Variants in CIITA observed in about 807,000 individuals in gnomAD.
CIITA encodes the protein class II major histocompatibility complex transactivator.
In CIITA, 72 loss-of-function variants were observed where a neutral mutation model predicts 115.1. The ratio of observed to expected loss-of-function variants is 0.63; its 90% CI spans 0.52 to 0.76. The LOEUF (loss-of-function observed/expected upper bound fraction) is 0.76, where lower values mean the gene tolerates loss of function less well. Among genes scored for constraint, CIITA ranks in the 30% least tolerant of loss-of-function variants. The pLI is 0.00. For synonymous variants in CIITA, 763 were observed against 635.6 expected (o/e 1.20, Z -3.02); for missense variants, 1,617 against 1,463.8 (o/e 1.10, Z -1.71).
rs138376967 is a variant in CIITA, at chr16:10,907,418, C to T, written c.1926C>T (p.Val642=). The T allele has an allele frequency of 4.4e-4, 708 of 1,613,092 alleles. 2 individuals are homozygous for T. The highest frequency in any genetic ancestry group is 1.5e-3 in the South Asian group (136 of 91,068). ...CCTCCACGCTCACGGGACTCTATGT[C>T]GGCCTGCTGGGCCGTGCAGCCCTCG... ...KLPSTLTGLY[V]GLLGRAALDS... The change falls in exon 11 of 20, where the codon GTC becomes GTT. Residue 642 remains valine (V), a synonymous_variant. Transcript: ENST00000324288. This position sits in a 1 kb window ranked among gnomAD's most constrained non-coding sequence, Gnocchi z 5.0.
rs1235576597 is a variant in CIITA, at chr16:10,936,334, T to G, written c.*12479T>G. 3 of 152,318 alleles carry G rather than the reference T, an allele frequency of 2.0e-5. No homozygotes were observed. The South Asian group carries it at 6.2e-4, about 32-fold the overall frequency. The allele number at this position is 152,318 out of a possible 1,614,324, so 9.4% of individuals were successfully genotyped here. A position where few individuals can be genotyped will look rare whatever the true frequency, so the allele number is the denominator to read the frequency against. On this transcript the variant is annotated 3_prime_UTR_variant, in exon 20 of 20. Coordinates refer to ENST00000324288, the MANE Select transcript of CIITA (RefSeq NM_000246.4). ...GATTTGCTGATTTTGACAACCCTAC[T>G]GTGGTTATGCAAATTTGTCCTTGTT...
rs1449754260 is a variant in CIITA, at chr16:10,935,481, TG to T, written c.*11627del. On this transcript the variant is annotated 3_prime_UTR_variant, in exon 20 of 20. Coordinates refer to ENST00000324288, the MANE Select transcript of CIITA (RefSeq NM_000246.4). Reference sequence around the variant, plus strand: ...TAGTGTTTTTATCCATGCCAAGCGATGATGATTTTCTCTTTAGTGACAGACA... The same window carrying T: ...TAGTGTTTTTATCCATGCCAAGCGATATGATTTTCTCTTTAGTGACAGACA... 2.0e-5 allele frequency: 3 copies of T among 152,270 alleles called. No homozygotes were observed. Among genetic ancestry groups the T allele is most frequent in the Non-Finnish European group, 4.4e-5 (3 of 68,042 alleles). The allele number at this position is 152,270 out of a possible 1,614,324, so 9.4% of individuals were successfully genotyped here. A position where few individuals can be genotyped will look rare whatever the true frequency, so the allele number is the denominator to read the frequency against.
rs1596649951 is a variant in CIITA, at chr16:10,932,844, T to C, written c.*8989T>C. ...CTGGGACTACAGGCGCATGTCACCA[T>C]GCCTGGCTAATTGATGTATTTTTTA... On this transcript the variant is annotated 3_prime_UTR_variant, in exon 20 of 20. Coordinates refer to ENST00000324288, the MANE Select transcript of CIITA (RefSeq NM_000246.4). 1 of 152,048 alleles carries C rather than the reference T, an allele frequency of 6.6e-6. No homozygotes were observed. The highest frequency in any genetic ancestry group is 2.4e-5 in the African/African-American group (1 of 41,374). The allele number at this position is 152,048 out of a possible 1,614,324, so 9.4% of individuals were successfully genotyped here.
intron 5 of CIITA, among the ~76,000 whole-genome samples, chr16:10,900,496 T>C (rs1447653413): frequency 3.9e-5 from 6 of 152,030 alleles, no homozygotes; most frequent in Non-Finnish European, 7.4e-5. Context: ...TCCCAGCACT[T>C]TGGGAGGCCA....
intron 3 of CIITA, among the ~76,000 whole-genome samples, chr16:10,896,274 G>A (rs187711333): frequency 2.7e-4 from 41 of 152,322 alleles, no homozygotes; most frequent in Non-Finnish European, 5.4e-4. Flanking sequence ...GTTTAGAGAG[G>A]TGAAACGACC....
rs1318296674 is a variant in CIITA, at chr16:10,906,965, T to TGA, written c.1474_1475dup (p.Asp492GlufsTer8). On this transcript the variant is annotated frameshift_variant, in exon 11 of 20. Coordinates refer to ENST00000324288, the MANE Select transcript of CIITA (RefSeq NM_000246.4). LOFTEE classifies it high-confidence loss of function. Reference sequence around the variant, plus strand: ...TTTTCAGCCACATCTTGAAGAGACCTGACCGCGTTCTGCTCATCCTAGACG... The same window carrying TGA: ...TTTTCAGCCACATCTTGAAGAGACCTGAGACCGCGTTCTGCTCATCCTAGACG... The TGA allele has an allele frequency of 6.2e-7, 1 of 1,612,526 alleles. No homozygotes were observed. Among genetic ancestry groups the TGA allele is most frequent in the Non-Finnish European group, 8.5e-7 (1 of 1,179,920 alleles).
intron 1 of CIITA, among the ~76,000 whole-genome samples, chr16:10,885,441 C>A (rs948656278): frequency 6.6e-5 from 10 of 152,158 alleles, no homozygotes; most frequent in Admixed American, 5.9e-4. Flanking sequence ...CCCATAAGCC[C>A]CTGAGCATTG....
intron 1 of CIITA, among the ~76,000 whole-genome samples, chr16:10,889,814 G>C (rs2037364830): frequency 6.6e-6 from 1 of 152,110 alleles, no homozygotes; most frequent in Admixed American, 6.6e-5. Context: ...TCATTCTCCA[G>C]AACTAATATT....
intron 7 of CIITA, 98 bp from the exon 8 acceptor site, chr16:10,902,560 C>T: frequency 1.4e-6 from 2 of 1,473,972 alleles, no homozygotes; most frequent in Admixed American, 1.7e-5. Context: ...GAAATTAGGG[C>T]CCTTTAGGGG....
intron 1 of CIITA, among the ~76,000 whole-genome samples, chr16:10,882,302 G>C (rs1245290741): frequency 6.6e-6 from 1 of 152,314 alleles, no homozygotes; most frequent in African/African-American, 2.4e-5. Flanking sequence ...ACGAATGCCT[G>C]CAGTTTGGGA....
At chr16:10,872,479 G>T (rs892489280), upstream of CIITA, among the ~76,000 whole-genome samples, 1 of 152,140 alleles carries the variant, frequency 6.6e-6, no homozygotes, top group East Asian at 1.9e-4. Flanking sequence ...TATATCTACT[G>T]TCTACATACT....
Position 10,907,140 on chromosome 16 carries a change from C to G in CIITA, c.1648C>G (p.Arg550Gly), listed in dbSNP as rs888940678. 6.2e-7 allele frequency: 1 copy of G among 1,612,794 alleles called. No homozygotes were observed. Among genetic ancestry groups the G allele is most frequent in the East Asian group, 2.2e-5 (1 of 44,840 alleles). ...GCTLLLTARP[R>G]GRLVQSLSKA... ...CACCCTCCTCCTCACAGCCCGGCCC[C>G]GGGGCCGCCTGGTCCAGAGCCTGAG... Residue 550 changes from arginine (R) to glycine (G), a missense_variant, in exon 11 of 20, where the codon CGG becomes GGG. Arg to Gly is a moderately radical substitution (Grantham distance 125). Coordinates refer to ENST00000324288, the MANE Select transcript of CIITA (RefSeq NM_000246.4). This position sits in a 1 kb window ranked among gnomAD's most constrained non-coding sequence, Gnocchi z 5.0.
At chr16:10,880,081 G>A (rs762126619) in intron 1 of CIITA, among the ~76,000 whole-genome samples, 1 of 152,228 alleles carries the variant, frequency 6.6e-6, no homozygotes, top group African/African-American at 2.4e-5. Context: ...TGGAGAAAGA[G>A]GAGCCAAAGG....
At chr16:10,916,175 C>G (rs2039936751) in intron 14 of CIITA, among the ~76,000 whole-genome samples, 192 bp from the exon 15 acceptor site, 1 of 152,170 alleles carries the variant, frequency 6.6e-6, no homozygotes, top group Non-Finnish European at 1.5e-5. Context: ...TGCCCTCTGG[C>G]TGCCTGGTTG....
At position 10,886,100 on chromosome 16, in the gene CIITA, G is replaced by C. The variant is rs532300158; in HGVS notation, c.52+8718G>C. On this transcript the variant is annotated intron_variant, in intron 1 of 19. Coordinates refer to ENST00000324288, the MANE Select transcript of CIITA (RefSeq NM_000246.4). ...GATGGAGTCTCACTCTGTCACCCAG[G>C]CTGAGTTTTCTATTTTTAGTAGAGA... Among the ~76,000 whole-genome samples the C allele has an allele frequency of 4.0e-5, 6 of 149,462 alleles. No homozygotes were observed. The East Asian group carries it at 1.2e-3, about 29-fold the overall frequency.
chr16:10,903,595 T>C, intron 8 of CIITA, 136 bp from the exon 9 acceptor site: 1 of 935,742 alleles, frequency 1.1e-6, no homozygotes, highest in Non-Finnish European at 1.7e-6. Context: ...TCCTGAAATA[T>C]CTTCCTTTGG....
chr16:10,938,312 C>T (rs1313295520), downstream of CIITA: 1 of 151,578 alleles, frequency 6.6e-6, no homozygotes, highest in East Asian at 1.9e-4. The surrounding 1 kb of genome is among the most constrained non-coding windows in gnomAD (Gnocchi z 4.9). Flanking sequence ...ACTGCCTCCT[C>T]AAGTAGGTGC....
Position 10,893,164 on chromosome 16 carries a change from G to A in CIITA, c.53-2118G>A, listed in dbSNP as rs114014670. ...GGAGGCAAGGAAGCATTCTCCCCTC[G>A]AGCCTCCAGAGGCAGCGTGGCCCTG... On this transcript the variant is annotated intron_variant, in intron 1 of 19. Transcript: ENST00000324288. 7.4e-3 allele frequency among the ~76,000 whole-genome samples: 1,123 copies of A among 152,192 alleles called. 25 individuals carry two copies. Among genetic ancestry groups the A allele is most frequent in the African/African-American group, 0.025 (1,046 of 41,534 alleles).
At position 10,879,031 on chromosome 16, in the gene CIITA, C is replaced by T. The variant is rs2036131268; in HGVS notation, c.52+1649C>T. ...GCCACCAGCAGCGCGCGCGGGAGCCCGGGGAACAGCGGTAGGTGACCAAAG... is the reference window on the plus strand; with the variant it reads ...GCCACCAGCAGCGCGCGCGGGAGCCTGGGGAACAGCGGTAGGTGACCAAAG... On this transcript the variant is annotated intron_variant, in intron 1 of 19. Coordinates refer to ENST00000324288, the MANE Select transcript of CIITA (RefSeq NM_000246.4). The surrounding 1 kb of genome is among the most constrained non-coding windows in gnomAD (Gnocchi z 4.3). 8.8e-5 allele frequency: 19 copies of T among 215,626 alleles called. No homozygotes were observed. In the East Asian group the frequency reaches 1.2e-3, roughly 14 times the overall value. The allele number at this position is 215,626 out of a possible 1,614,324, so 13.4% of individuals were successfully genotyped here.
Sources: allele counts gnomAD v4.1 joint callset (sites outside exome capture counted in the v4.1 genomes callset), GRCh38; gene constraint gnomAD v4.1.1; non-coding constraint Gnocchi (gnomAD v3.1); transcripts MANE v1.5; gene names NCBI Gene and HGNC (gene_info 2026-07-23, HGNC 2026-07-21).